ADCY5: variants seen among roughly 807,000 people sequenced by gnomAD.
The protein encoded by ADCY5 is adenylate cyclase type 5.
In ADCY5, 30 loss-of-function variants were observed where a neutral mutation model predicts 119.7. The ratio of observed to expected loss-of-function variants is 0.25; its 90% confidence interval spans 0.19 to 0.34. ADCY5 has a LOEUF of 0.34. ADCY5 is among the 10% of genes least tolerant of loss of function. ADCY5 has a pLI of 1.00. For synonymous variants in ADCY5, 753 were observed against 762.2 expected (o/e 0.99, Z 0.20); for missense variants, 1,324 against 1,775.2 (o/e 0.75, Z 4.57).
intron 2 of ADCY5, among the ~76,000 whole-genome samples, chr3:123,350,832 C>T (rs1942805689): frequency 6.6e-6 from 1 of 152,174 alleles, no homozygotes; most frequent in South Asian, 2.1e-4. Flanking sequence ...TGGTAATTCC[C>T]CTGGAGAAGT....
chr3:123,370,795 C>A (rs765995935), intron 1 of ADCY5, among the ~76,000 whole-genome samples: 5 of 152,108 alleles, frequency 3.3e-5, no homozygotes, highest in Admixed American at 2.0e-4. Context: ...AGCCCCTATC[C>A]CATCCCTCCC....
At chr3:123,409,535 G>C (rs1285120478) in intron 1 of ADCY5, among the ~76,000 whole-genome samples, 1 of 152,196 alleles carries the variant, frequency 6.6e-6, no homozygotes, top group Non-Finnish European at 1.5e-5. Context: ...AGATAGGTAA[G>C]GGAAGCACCA....
chr3:123,369,726 C>T (rs754195442), intron 1 of ADCY5, among the ~76,000 whole-genome samples: 100 of 152,234 alleles, frequency 6.6e-4, no homozygotes, highest in African/African-American at 1.0e-3. Context: ...TCCTCACAGG[C>T]TGGGCCAGCT....
At chr3:123,359,331 A>AATAAATATATATATATATATATATAT (rs1476687771) in intron 1 of ADCY5, among the ~76,000 whole-genome samples, 1 of 109,766 alleles carries the variant, frequency 9.1e-6, no homozygotes, top group Non-Finnish European at 1.8e-5. Flanking sequence ...CTTATACTAA[A>AATAAATATATATATATATATATATAT]ATATATATAT....
At chr3:123,353,182 C>T (rs1453484573) in intron 1 of ADCY5, among the ~76,000 whole-genome samples, 2 of 152,316 alleles carry the variant, frequency 1.3e-5, no homozygotes, top group African/African-American at 2.4e-5. Flanking sequence ...CTCTGACAAC[C>T]ACTGCACCAG....
chr3:123,314,384 G>A, intron 11 of ADCY5, 62 bp from the exon 12 acceptor site: 2 of 1,365,960 alleles, frequency 1.5e-6, no homozygotes, highest in East Asian at 2.4e-5. Flanking sequence ...CAGCTTCTGG[G>A]GGACCTGCCT....
chr3:123,440,202 C>G (rs1945700352), intron 1 of ADCY5, among the ~76,000 whole-genome samples: 1 of 152,160 alleles, frequency 6.6e-6, no homozygotes. Context: ...GCACTGGGTC[C>G]CTCAGGATTC....
intron 1 of ADCY5, among the ~76,000 whole-genome samples, chr3:123,363,218 T>C (rs1576625402): frequency 7.1e-6 from 1 of 141,646 alleles, no homozygotes; most frequent in South Asian, 2.3e-4. Flanking sequence ...CTATTCAAAG[T>C]AAAAATACAA....
intron 8 of ADCY5, among the ~76,000 whole-genome samples, chr3:123,324,836 C>T (rs1381613938): frequency 2.0e-5 from 3 of 152,334 alleles, no homozygotes; most frequent in African/African-American, 7.2e-5. Context: ...AAGGGGACCA[C>T]CACCTGGCAC....
At chr3:123,402,781 A>C (rs1482472032) in intron 1 of ADCY5, among the ~76,000 whole-genome samples, 1 of 145,042 alleles carries the variant, frequency 6.9e-6, no homozygotes, top group Non-Finnish European at 1.5e-5. Flanking sequence ...TGAACCCGGG[A>C]GGCGGAGCTT....
At chr3:123,401,826 G>A (rs183881106) in intron 1 of ADCY5, among the ~76,000 whole-genome samples, 6 of 152,204 alleles carry the variant, frequency 3.9e-5, no homozygotes, top group South Asian at 2.1e-4. Context: ...CTAAAAACCC[G>A]GCCTGTCTCA....
At chr3:123,355,045 CA>C (rs1942986900) in intron 1 of ADCY5, among the ~76,000 whole-genome samples, 1 of 152,142 alleles carries the variant, frequency 6.6e-6, no homozygotes, top group Non-Finnish European at 1.5e-5. Context: ...AGACCAGCAG[CA>C]AAGCCAGGTT....
intron 1 of ADCY5, among the ~76,000 whole-genome samples, chr3:123,411,141 T>C (rs1945034121): frequency 6.6e-6 from 1 of 152,182 alleles, no homozygotes; most frequent in South Asian, 2.1e-4. Flanking sequence ...CAGAAAGCTC[T>C]TCTTCCTTGC....
chr3:123,335,364 C>T (rs542988835), intron 3 of ADCY5, among the ~76,000 whole-genome samples: 1 of 152,182 alleles, frequency 6.6e-6, no homozygotes, highest in Admixed American at 6.5e-5. Flanking sequence ...CTGTTGGCCT[C>T]ACCATCATAA....
chr3:123,356,499 AG>A (rs956909419), intron 1 of ADCY5, among the ~76,000 whole-genome samples: 16 of 151,994 alleles, frequency 1.1e-4, no homozygotes, highest in Non-Finnish European at 1.6e-4. Flanking sequence ...AGTAAAAAAA[AG>A]TGGTGCTAGA....
chr3:123,317,751 A>C (rs1280427298), intron 11 of ADCY5, among the ~76,000 whole-genome samples: 7 of 30,452 alleles, frequency 2.3e-4, no homozygotes, highest in African/African-American at 4.4e-4. Context: ...ACGCCGACCC[A>C]AAAAAAAAAA....
chr3:123,287,356 A>G (rs764999104), intron 19 of ADCY5, among the ~76,000 whole-genome samples: 8 of 152,160 alleles, frequency 5.3e-5, no homozygotes, highest in Non-Finnish European at 1.0e-4. Context: ...AACGCTGAGC[A>G]TCACTGCCTC....
rs1186182344 is a variant in ADCY5, at chr3:123,448,307, T to A, written c.239A>T (p.Asp80Val). The A allele has an allele frequency of 6.6e-7, 1 of 1,522,642 alleles. No homozygotes were observed. Among genetic ancestry groups the A allele is most frequent in the Non-Finnish European group, 8.7e-7 (1 of 1,144,382 alleles). 94.3% of individuals were successfully genotyped at this position (1,522,642 alleles called of 1,614,324 possible). A position where few individuals can be genotyped will look rare whatever the true frequency, so the allele number is the denominator to read the frequency against. Residue 80 changes from aspartate (D) to valine (V), a missense_variant, in exon 1 of 21, where the codon GAT becomes GTT. Coordinates refer to ENST00000462833, the MANE Select transcript of ADCY5 (RefSeq NM_183357.3). ...GGGGTCGTCACCGCTCAGCGGAGGA[T>A]CGTCGTCGTCGTCGCTGCGCCAGCG... Reference protein sequence around the residue: ...ASRWRSDDDDDPPLSGDDPLA... With the variant: ...ASRWRSDDDDVPPLSGDDPLA...
At chr3:123,402,855 G>GA (rs79391092) in intron 1 of ADCY5, among the ~76,000 whole-genome samples, 405 of 104,092 alleles carry the variant, frequency 3.9e-3, no homozygotes, top group African/African-American at 5.4e-3. Context: ...TCAGTCTCAG[G>GA]AAAAAAAAAA....
Sources: allele counts gnomAD v4.1 joint callset (sites outside exome capture counted in the v4.1 genomes callset), GRCh38; gene constraint gnomAD v4.1.1; transcripts MANE v1.5; gene names NCBI Gene and HGNC (gene_info 2026-07-23, HGNC 2026-07-21).